Variants in CSMD1 observed in about 807,000 individuals in gnomAD.
CSMD1 encodes the protein CUB and Sushi multiple domains 1, also known as CUB and sushi domain-containing protein 1.
CSMD1 carries 213 observed loss-of-function variants against 417.5 expected under a neutral mutation model. That is an observed-to-expected ratio of 0.51 (90% CI 0.46 to 0.57). CSMD1 has a LOEUF of 0.57. Ranked by LOEUF, CSMD1 falls within the 20% of genes least tolerant of loss-of-function variation. The pLI is 0.00. For synonymous variants in CSMD1, 2,862 were observed against 1,736.8 expected (o/e 1.65, Z -16.11); for missense variants, 6,923 against 4,529.7 (o/e 1.53, Z -15.17).
intron 25 of CSMD1, among the ~76,000 whole-genome samples, chr8:3,294,677 C>G (rs552162061): frequency 6.6e-6 from 1 of 152,230 alleles, no homozygotes; most frequent in Non-Finnish European, 1.5e-5. Flanking sequence ...AAAAGCAAGC[C>G]CAGTATTAGG....
chr8:4,119,839 G>C (rs970473849), intron 3 of CSMD1, among the ~76,000 whole-genome samples: 2 of 152,202 alleles, frequency 1.3e-5, no homozygotes, highest in African/African-American at 4.8e-5. Flanking sequence ...CTACACGTTT[G>C]TGTATGTTTC....
chr8:4,303,551 A>T (rs889048704), intron 3 of CSMD1, among the ~76,000 whole-genome samples: 57 of 151,432 alleles, frequency 3.8e-4, no homozygotes, highest in African/African-American at 1.3e-3. Flanking sequence ...AATAAATTTT[A>T]AAAAATTTCT....
chr8:3,672,358 T>G (rs1023767532), intron 7 of CSMD1, among the ~76,000 whole-genome samples: 1 of 152,150 alleles, frequency 6.6e-6, no homozygotes, highest in Admixed American at 6.5e-5. Flanking sequence ...TTGTAGTGTG[T>G]GTCGGCATTT....
At position 4,651,345 on chromosome 8, in the gene CSMD1, G is replaced by C. The variant is rs188981850; in HGVS notation, c.86-13787C>G. Among the ~76,000 whole-genome samples, 3 of 151,996 alleles carry C rather than the reference G, an allele frequency of 2.0e-5. 1 individual carries two copies. Among genetic ancestry groups the C allele is most frequent in the South Asian group, 4.2e-4 (2 of 4,812 alleles). On this transcript the variant is annotated intron_variant, in intron 1 of 69. Transcript: ENST00000635120. ...GTTGACAAAATCAACCTTTAATAGC[G>C]TTGAATATTCAAGCAGATCAGCTCA...
intron 42 of CSMD1, among the ~76,000 whole-genome samples, chr8:3,114,401 A>T (rs910634147): frequency 1.3e-5 from 2 of 150,878 alleles, no homozygotes; most frequent in African/African-American, 4.8e-5. Context: ...AAGCTAATAA[A>T]TACACTTGGC....
intron 8 of CSMD1, among the ~76,000 whole-genome samples, chr8:3,611,526 G>T (rs1584959144): frequency 6.6e-6 from 1 of 151,916 alleles, no homozygotes; most frequent in South Asian, 2.1e-4. Context: ...TTACTTCAAG[G>T]AAAATGACAA....
intron 3 of CSMD1, among the ~76,000 whole-genome samples, chr8:4,367,807 A>T (rs990948320): frequency 6.6e-6 from 1 of 152,184 alleles, no homozygotes; most frequent in South Asian, 2.1e-4. Context: ...TAGGTATTTT[A>T]TTCTTTGTGC....
intron 3 of CSMD1, among the ~76,000 whole-genome samples, chr8:4,131,472 A>G (rs528145158): frequency 4.7e-4 from 71 of 152,326 alleles, no homozygotes; most frequent in Middle Eastern, 6.8e-3. Flanking sequence ...TAAAAAATAA[A>G]AGTTTGAAAC....
intron 10 of CSMD1, among the ~76,000 whole-genome samples, chr8:3,496,072 A>T (rs1360402384): frequency 6.6e-6 from 1 of 152,122 alleles, no homozygotes; most frequent in Non-Finnish European, 1.5e-5. Flanking sequence ...AATGTTCCCG[A>T]AATAGGCTCC....
At chr8:4,025,795 G>C (rs1420831472) in intron 4 of CSMD1, among the ~76,000 whole-genome samples, 1 of 152,238 alleles carries the variant, frequency 6.6e-6, no homozygotes, top group South Asian at 2.1e-4. Context: ...TTAAGCAAAG[G>C]TGACTGGCCT....
chr8:4,860,089 T>G (rs905190995), intron 1 of CSMD1, among the ~76,000 whole-genome samples: 1 of 151,558 alleles, frequency 6.6e-6, no homozygotes, highest in African/African-American at 2.4e-5. Flanking sequence ...CATAAAAAAA[T>G]GATGAGTTCA....
intron 1 of CSMD1, among the ~76,000 whole-genome samples, chr8:4,982,834 C>A (rs1227566779): frequency 1.3e-5 from 2 of 152,116 alleles, no homozygotes; most frequent in Non-Finnish European, 2.9e-5. Flanking sequence ...GACGACATGC[C>A]CCTTCCGTGT....
chr8:4,104,729 T>G (rs540286737), intron 3 of CSMD1, among the ~76,000 whole-genome samples: 1 of 152,236 alleles, frequency 6.6e-6, no homozygotes, highest in Non-Finnish European at 1.5e-5. Flanking sequence ...CAAGAGGAAC[T>G]AGGTCAGAGC....
intron 5 of CSMD1, among the ~76,000 whole-genome samples, chr8:3,899,303 G>T (rs1293194693): frequency 7.9e-5 from 12 of 152,182 alleles, no homozygotes; most frequent in African/African-American, 2.2e-4. Flanking sequence ...TTTCAAGTAC[G>T]CTTTGCAAAA....
chr8:3,228,178 T>C (rs979619137), intron 27 of CSMD1, among the ~76,000 whole-genome samples: 1 of 152,244 alleles, frequency 6.6e-6, no homozygotes, highest in South Asian at 2.1e-4. Flanking sequence ...TTCTCCTCTT[T>C]GATTTAATTA....
intron 5 of CSMD1, among the ~76,000 whole-genome samples, chr8:3,917,430 C>T (rs1808906514): frequency 6.6e-6 from 1 of 152,194 alleles, no homozygotes; most frequent in Admixed American, 6.5e-5. Flanking sequence ...CACACACACA[C>T]ACACACACAC....
At chr8:3,291,419 A>G (rs182654863) in intron 25 of CSMD1, among the ~76,000 whole-genome samples, 133 of 152,046 alleles carry the variant, frequency 8.7e-4, no homozygotes, top group Non-Finnish European at 1.6e-3. Flanking sequence ...TCCTTTTTGT[A>G]CCTCTGGCAG....
chr8:3,290,819 C>T (rs1053221456), intron 25 of CSMD1, among the ~76,000 whole-genome samples: 2 of 148,490 alleles, frequency 1.3e-5, no homozygotes, highest in Middle Eastern at 3.4e-3. Context: ...CTCTTTATTT[C>T]TTTCTCGTGC....
intron 12 of CSMD1, among the ~76,000 whole-genome samples, chr8:3,457,906 G>A (rs1250438454): frequency 6.6e-6 from 1 of 152,262 alleles, no homozygotes; most frequent in East Asian, 1.9e-4. Flanking sequence ...AATGAGGAAG[G>A]CAGCCATATG....
Sources: allele counts gnomAD v4.1 joint callset (sites outside exome capture counted in the v4.1 genomes callset), GRCh38; gene constraint gnomAD v4.1.1; transcripts MANE v1.5; gene names NCBI Gene and HGNC (gene_info 2026-07-23, HGNC 2026-07-21).